The following PKD1 variants were observed in gnomAD, a reference collection of about 807,000 sequenced individuals.
PKD1 encodes the protein polycystin-1.
PKD1 carries 81 observed loss-of-function variants against 361.7 expected under a neutral mutation model. The ratio of observed to expected loss-of-function variants is 0.22; its 90% CI spans 0.19 to 0.27. The LOEUF (loss-of-function observed/expected upper bound fraction) is 0.27, where lower values mean the gene tolerates loss of function less well. Ranked by LOEUF, PKD1 falls within the 10% of genes least tolerant of loss-of-function variation. PKD1 has a pLI of 1.00. For missense variants in PKD1, 6,399 were observed against 6,118.3 expected (o/e 1.05, Z -1.53); for synonymous variants, 3,615 against 2,818.3 (o/e 1.28, Z -8.95).
At position 2,100,480 on chromosome 16, in the gene PKD1, G is replaced by A. The variant is rs756923411; in HGVS notation, c.9484C>T (p.Arg3162Cys). The A allele has an allele frequency of 1.1e-5, 17 of 1,610,454 alleles. No homozygotes were observed. The highest frequency in any genetic ancestry group is 2.2e-5 in the East Asian group (1 of 44,874). The change falls in exon 27 of 46, where the codon CGC (arginine) becomes TGC (cysteine). Residue 3162 changes from arginine (R) to cysteine (C), a missense_variant. Coordinates refer to ENST00000262304, the MANE Select transcript of PKD1 (RefSeq NM_001009944.3). This position sits in a 1 kb window ranked among gnomAD's most constrained non-coding sequence, Gnocchi z 4.4. The part of the protein sequence containing the change: ...RHLDGDRAFH[R>C]NSLDIFRIAT... ...ATCCGGAAGATGTCCAGGCTGTTGC[G>A]GTGGAAGGCTCTGTCGCCGTCCAGG...
intron 1 of PKD1, among the ~76,000 whole-genome samples, chr16:2,133,534 C>A (rs532784328): frequency 6.6e-6 from 1 of 150,724 alleles, no homozygotes; most frequent in East Asian, 1.9e-4. Flanking sequence ...AAAACCCAGC[C>A]GTCTCCCCGA....
chr16:2,124,016 C>A (rs1362943910), intron 1 of PKD1, among the ~76,000 whole-genome samples: 1 of 152,180 alleles, frequency 6.6e-6, no homozygotes, highest in Non-Finnish European at 1.5e-5. Flanking sequence ...AGCGTGGGAC[C>A]CAGCGGGCTC....
intron 1 of PKD1, among the ~76,000 whole-genome samples, chr16:2,121,858 G>A (rs994744793): frequency 6.6e-6 from 1 of 152,208 alleles, no homozygotes; most frequent in Non-Finnish European, 1.5e-5. Context: ...CCCCACGAGT[G>A]ACCCAGCAGG....
chr16:2,134,815 T>C (rs1324929543), intron 1 of PKD1, among the ~76,000 whole-genome samples: 1 of 148,250 alleles, frequency 6.7e-6, no homozygotes, highest in Non-Finnish European at 1.5e-5. Context: ...AAAGCGAACA[T>C]GACAAGGCTT....
chr16:2,132,599 A>G (rs1243648544), intron 1 of PKD1, among the ~76,000 whole-genome samples: 1 of 150,424 alleles, frequency 6.6e-6, no homozygotes, highest in Non-Finnish European at 1.5e-5. Flanking sequence ...AAAGAAAAAA[A>G]AAAAGACATC....
intron 23 of PKD1, 80 bp downstream of exon 23, chr16:2,103,186 C>T: frequency 2.1e-6 from 3 of 1,435,832 alleles, no homozygotes; most frequent in Non-Finnish European, 2.9e-6. Flanking sequence ...ACCAGAGACA[C>T]CCATGGAAGC....
Position 2,112,945 on chromosome 16 carries a change from C to G in PKD1, c.3004G>C (p.Val1002Leu). Residue 1002 changes from valine (V) to leucine (L), a missense_variant, in exon 13 of 46, where the codon GTG becomes CTG. Transcript: ENST00000262304. ...TTGTAGTTCACGGTGACGTTGCTCA[C>G]GTGGTTGGAGGCCGTCAGCTGCAGG... Reference protein sequence around the residue: ...FKLSLTASNHVSNVTVNYNVT... With the variant: ...FKLSLTASNHLSNVTVNYNVT... 1 of 1,601,702 alleles carries G rather than the reference C, an allele frequency of 6.2e-7. No homozygotes were observed. The highest frequency in any genetic ancestry group is 8.5e-7 in the Non-Finnish European group (1 of 1,179,724).
rs1433099539 is a variant in PKD1, at chr16:2,118,144, G to A, written c.848C>T (p.Pro283Leu). 5 of 1,590,192 alleles carry A rather than the reference G, an allele frequency of 3.1e-6. No individual in the cohort carries two copies. The highest frequency in any genetic ancestry group is 1.8e-5 in the Admixed American group (1 of 57,064). ...GGCTGCTAGCTGGCCAGAGGCCAGAGGTCCGTGGGGCCCCACCAGGGTGGC... is the reference window on the plus strand; with the variant it reads ...GGCTGCTAGCTGGCCAGAGGCCAGAAGTCCGTGGGGCCCCACCAGGGTGGC... ...PGATLVGPHG[P>L]LASGQLAAFH... is the part of the protein sequence containing the mutation. Residue 283 changes from proline to leucine, a missense_variant, in exon 5 of 46, where the codon CCT becomes CTT. Transcript: ENST00000262304. The surrounding 1 kb of genome is among the most constrained non-coding windows in gnomAD (Gnocchi z 6.0).
chr16:2,101,081 G>A (rs567053999), intron 26 of PKD1, among the ~76,000 whole-genome samples: 13 of 152,020 alleles, frequency 8.6e-5, no homozygotes, highest in Non-Finnish European at 1.6e-4. Flanking sequence ...CGCCTCCCGG[G>A]TTCACGCCAT....
chr16:2,111,725 G>A lies in PKD1; in HGVS notation c.3442C>T (p.Pro1148Ser), dbSNP rs1487509344. ...LVAGRPVTFY[P>S]HPLPSPGGVL... ...CCCCCAGGCGAGGGCAGCGGGTGCG[G>A]GTAGAAGGTGACGGGCCGGCCGGCC... The change falls in exon 15 of 46, where the codon CCG becomes TCG. Residue 1148 changes from proline to serine, a missense_variant. By Grantham distance (74) the Pro-to-Ser change is moderately conservative (BLOSUM62 -1). Transcript: ENST00000262304. 2 of 1,594,882 alleles carry A rather than the reference G, an allele frequency of 1.3e-6. No homozygotes were observed. The highest frequency in any genetic ancestry group is 1.7e-6 in the Non-Finnish European group (2 of 1,172,418).
chr16:2,097,019 A>C, intron 34 of PKD1, 129 bp downstream of exon 34: 1 of 687,350 alleles, frequency 1.5e-6, no homozygotes, highest in South Asian at 1.7e-5. Flanking sequence ...CAGAGAAGTG[A>C]AGTGGTGCAG....
chr16:2,110,075 G>C lies in PKD1; in HGVS notation c.5092C>G (p.Arg1698Gly), dbSNP rs141871028. 1 of 1,609,806 alleles carries C rather than the reference G, an allele frequency of 6.2e-7. No individual in the cohort carries two copies. Among genetic ancestry groups the C allele is most frequent in the Non-Finnish European group, 8.5e-7 (1 of 1,179,386 alleles). The change falls in exon 15 of 46, where the codon CGG becomes GGG. Residue 1698 changes from arginine to glycine, a missense_variant. Coordinates refer to ENST00000262304, the MANE Select transcript of PKD1 (RefSeq NM_001009944.3). ...LEAGTYHVQL[R>G]ATNMLGSAWA... ...GCGCTGCCCAGCATGTTGGTGGCCC[G>C]CAGCTGCACATGGTAGGTGCCGGCC... is the stretch of plus-strand genomic sequence containing the variant.
rs2092318941 is a variant in PKD1 at position 2,105,849 on chromosome 16, C to T, written c.7863+16G>A. On this transcript the variant is annotated intron_variant, in intron 20 of 45. Coordinates refer to ENST00000262304, the MANE Select transcript of PKD1 (RefSeq NM_001009944.3). Reference sequence around the variant, plus strand: ...GCATGCAGCAGATGTGACGTCCCCTCCCAGGCTGCACTCACCTCGTTCAGC... The same window carrying T: ...GCATGCAGCAGATGTGACGTCCCCTTCCAGGCTGCACTCACCTCGTTCAGC... 1.9e-6 allele frequency: 3 copies of T among 1,594,842 alleles called. No individual in the cohort carries two copies. Among genetic ancestry groups the T allele is most frequent in the Non-Finnish European group, 2.5e-6 (3 of 1,178,622 alleles).
At chr16:2,132,507 G>A (rs1287159914) in intron 1 of PKD1, among the ~76,000 whole-genome samples, 9 of 149,882 alleles carry the variant, frequency 6.0e-5, no homozygotes, top group Non-Finnish European at 1.0e-4. Context: ...CCAGGGAGTC[G>A]GAGGTTGCGG....
chr16:2,109,370 C>T lies in PKD1; in HGVS notation c.5797G>A (p.Gly1933Arg), dbSNP rs1349905264. 13 of 1,593,488 alleles carry T rather than the reference C, an allele frequency of 8.2e-6. No individual in the cohort carries two copies. The highest frequency in any genetic ancestry group is 2.2e-5 in the South Asian group (2 of 90,778). Residue 1933 changes from glycine to arginine, a missense_variant, in exon 15 of 46, where the codon GGG (glycine) becomes AGG (arginine). By Grantham distance (125) the Gly-to-Arg change is moderately radical. Coordinates refer to ENST00000262304, the MANE Select transcript of PKD1 (RefSeq NM_001009944.3). ...VGGANPEVLP[G>R]PRFSHSFPRV... ...GGGAAGCTGTGGGAGAAACGGGGCCCGGGGAGCACCTCGGGGTTGGCCCCG... is the reference window on the plus strand; with the variant it reads ...GGGAAGCTGTGGGAGAAACGGGGCCTGGGGAGCACCTCGGGGTTGGCCCCG...
At position 2,093,976 on chromosome 16, in the gene PKD1, G is replaced by C. The variant is rs754232567; in HGVS notation, c.10656C>G (p.Ala3552=). The change falls in exon 36 of 46, where the codon GCC becomes GCG. Residue 3552 remains alanine, a synonymous_variant. Coordinates refer to ENST00000262304, the MANE Select transcript of PKD1 (RefSeq NM_001009944.3). ...VEGLRKRLLP[A]WCASLAHGLS... Reference sequence around the variant, plus strand: ...GCCCGTGGGCCAGGGAGGCACACCAGGCCGGCAGCAGGCGCTTCCGCAGAC... The same window carrying C: ...GCCCGTGGGCCAGGGAGGCACACCACGCCGGCAGCAGGCGCTTCCGCAGAC... 1 of 1,587,802 alleles carries C rather than the reference G, an allele frequency of 6.3e-7. No homozygotes were observed. Among genetic ancestry groups the C allele is most frequent in the South Asian group, 1.1e-5 (1 of 88,184 alleles).
chr16:2,092,401 T>A, intron 39 of PKD1, 79 bp downstream of exon 39: 1 of 1,084,924 alleles, frequency 9.2e-7, no homozygotes, highest in South Asian at 1.3e-5. Context: ...GGAGCAGGGC[T>A]GATGCCAGAG....
intron 16 of PKD1, 91 bp downstream of exon 16, chr16:2,107,792 G>A (rs921795932): frequency 1.2e-5 from 15 of 1,234,112 alleles, no homozygotes; most frequent in East Asian, 7.6e-5. Flanking sequence ...AGAGCGTGCG[G>A]CCTCCACCAG....
At chr16:2,096,331 C>A (rs1403520978) in intron 34 of PKD1, among the ~76,000 whole-genome samples, 1 of 152,270 alleles carries the variant, frequency 6.6e-6, no homozygotes, top group African/African-American at 2.4e-5. Flanking sequence ...AACGGCAGGG[C>A]CGTGTGGACC....
Sources: gnomAD v4.1 joint callset for allele counts (sites outside exome capture counted in the v4.1 genomes callset) on GRCh38, gnomAD v4.1.1 for gene constraint, Gnocchi (gnomAD v3.1) non-coding constraint, MANE v1.5 for transcripts, NCBI Gene and HGNC (gene_info 2026-07-23, HGNC 2026-07-21) for gene names.